Variants in MTHFD1 observed in about 807,000 individuals in gnomAD.
MTHFD1 encodes the protein methylenetetrahydrofolate dehydrogenase, cyclohydrolase and formyltetrahydrofolate synthetase 1, also known as C-1-tetrahydrofolate synthase, cytoplasmic.
In MTHFD1, 44 loss-of-function variants were observed where a neutral mutation model predicts 110.3. The observed-to-expected ratio is 0.40, with a 90% CI of 0.31 to 0.51. The LOEUF (loss-of-function observed/expected upper bound fraction) is 0.51. MTHFD1 is among the 20% of genes least tolerant of loss of function. The pLI, the probability that MTHFD1 is intolerant of heterozygous loss-of-function variation, is 0.60. For synonymous variants in MTHFD1, 402 were observed against 428.8 expected (o/e 0.94, Z 0.77); for missense variants, 909 against 1,173.1 (o/e 0.77, Z 3.29).
chr14:64,441,874 C>T (rs1037959364), intron 19 of MTHFD1, 180 bp from the exon 20 acceptor site: 37 of 668,264 alleles, frequency 5.5e-5, no homozygotes, highest in Non-Finnish European at 9.5e-5. Flanking sequence ...TCATCTCTTT[C>T]TTCTCATTCT....
At position 64,447,770 on chromosome 14, in the gene MTHFD1, G is replaced by A. The variant is rs148083250; in HGVS notation, c.2179-447G>A. 5.7e-4 allele frequency among the ~76,000 whole-genome samples: 87 copies of A among 152,214 alleles called. 1 individual carries two copies. Among genetic ancestry groups the A allele is most frequent in the African/African-American group, 2.0e-3 (83 of 41,534 alleles). The stretch of plus-strand genomic sequence containing the variant: ...CCTCTTCTGTGCCAGCCACTATGTT[G>A]TTAGGCTCTGTCTTCTGATGGAAGG... On this transcript the variant is annotated intron_variant, in intron 22 of 27. Coordinates refer to ENST00000652337, the MANE Select transcript of MTHFD1 (RefSeq NM_005956.4).
At chr14:64,403,580 A>AT (rs966316205) in intron 2 of MTHFD1, among the ~76,000 whole-genome samples, 3 of 118,096 alleles carry the variant, frequency 2.5e-5, no homozygotes, top group African/African-American at 5.8e-5. Context: ...AATTTTTTGT[A>AT]TTTTTTTGTA....
At chr14:64,444,113 TG>T (rs1046753627) in intron 21 of MTHFD1, among the ~76,000 whole-genome samples, 6 of 103,504 alleles carry the variant, frequency 5.8e-5, no homozygotes, top group Admixed American at 2.0e-4. Context: ...GACTGGGGGC[TG>T]GGGGGCGGGG....
intron 12 of MTHFD1, among the ~76,000 whole-genome samples, chr14:64,428,756 A>C (rs147721095): frequency 2.7e-5 from 4 of 147,528 alleles, no homozygotes; most frequent in African/African-American, 1.0e-4. Context: ...GTTTCACTAT[A>C]TTGGCCAGGC....
chr14:64,455,755 A>C (rs2078462633), intron 26 of MTHFD1, among the ~76,000 whole-genome samples: 1 of 152,222 alleles, frequency 6.6e-6, no homozygotes, highest in Admixed American at 6.5e-5. Flanking sequence ...AGGACATTAG[A>C]GCTGAATTCA....
chr14:64,413,189 T>C (rs1237406593), intron 4 of MTHFD1, among the ~76,000 whole-genome samples: 1 of 151,748 alleles, frequency 6.6e-6, no homozygotes, highest in Non-Finnish European at 1.5e-5. Flanking sequence ...CTGTCTCTAC[T>C]AAAAAATACA....
chr14:64,442,520 C>T, intron 21 of MTHFD1, 118 bp downstream of exon 21: 2 of 1,093,370 alleles, frequency 1.8e-6, no homozygotes, highest in Non-Finnish European at 2.7e-6. Context: ...TAACAGGCAG[C>T]AAAAGCAAGG....
chr14:64,409,973 C>CGGAA (rs1392500888), intron 2 of MTHFD1, among the ~76,000 whole-genome samples: 4 of 152,170 alleles, frequency 2.6e-5, no homozygotes, highest in African/African-American at 9.7e-5. Flanking sequence ...ACCACCTTTC[C>CGGAA]CTCTGTGATA....
Position 64,431,819 on chromosome 14 carries a change from T to G in MTHFD1, c.1452T>G (p.Asn484Lys). The G allele has an allele frequency of 1.2e-6, 2 of 1,614,224 alleles. No individual in the cohort carries two copies. Among genetic ancestry groups the G allele is most frequent in the Non-Finnish European group, 1.7e-6 (2 of 1,180,036 alleles). Residue 484 changes from asparagine to lysine, a missense_variant, in exon 15 of 28, where the codon AAT becomes AAG. Asn to Lys is a moderately conservative substitution (Grantham distance 94, BLOSUM62 0). This residue lies in a region of MTHFD1 where 482 missense variants were observed against 646.0 expected (regional missense o/e 0.75). Transcript: ENST00000652337. ...TTAATCGTTTGGTGCCATCAGTAAA[T>G]GGAGTGAGAAGGTTCTCTGACATCC... is the stretch of plus-strand genomic sequence containing the variant. ...ALFNRLVPSV[N>K]GVRRFSDIQI...
At chr14:64,408,296 T>C (rs1256319523) in intron 2 of MTHFD1, among the ~76,000 whole-genome samples, 2 of 150,964 alleles carry the variant, frequency 1.3e-5, no homozygotes, top group Non-Finnish European at 3.0e-5. Context: ...TTTTTTTTTT[T>C]TTTTTTTTTG....
At chr14:64,394,958 T>C (rs1376169926) in intron 1 of MTHFD1, among the ~76,000 whole-genome samples, 2 of 152,218 alleles carry the variant, frequency 1.3e-5, no homozygotes, top group Non-Finnish European at 2.9e-5. Flanking sequence ...GAGCTGTTCA[T>C]TGGAGCCCTA....
chr14:64,421,282 C>T (rs73277965), intron 8 of MTHFD1, among the ~76,000 whole-genome samples: 5,792 of 152,260 alleles, frequency 0.038, 347 homozygotes, highest in African/African-American at 0.13. Context: ...GTCACTGTGG[C>T]GCCACATCCA....
intron 15 of MTHFD1, among the ~76,000 whole-genome samples, chr14:64,434,261 C>G (rs577119960): frequency 1.3e-5 from 2 of 152,104 alleles, no homozygotes; most frequent in South Asian, 4.1e-4. Context: ...CTTACACTTA[C>G]GTGTCTGTGA....
chr14:64,455,119 C>T (rs926815005), intron 26 of MTHFD1: 2 of 494,212 alleles, frequency 4.0e-6, no homozygotes, highest in South Asian at 4.1e-5. Flanking sequence ...ATAAAAAATT[C>T]TGTTTCCCAG....
intron 2 of MTHFD1, among the ~76,000 whole-genome samples, chr14:64,406,044 A>ATT (rs201951999): frequency 6.9e-5 from 10 of 144,916 alleles, no homozygotes; most frequent in South Asian, 2.1e-4. Flanking sequence ...TATTATTATT[A>ATT]TTATTTTTTT....
rs139076132 is a variant in MTHFD1 at position 64,451,786 on chromosome 14, C to T, written c.2458-1968C>T. On this transcript the variant is annotated intron_variant, in intron 24 of 27. Transcript: ENST00000652337. Reference sequence around the variant, plus strand: ...CTGCTAGTCTTAAATCACCCTTCAACCAAAGTGCTTTTGCTTCAGAAGTTC... The same window carrying T: ...CTGCTAGTCTTAAATCACCCTTCAATCAAAGTGCTTTTGCTTCAGAAGTTC... Among the ~76,000 whole-genome samples the T allele has an allele frequency of 2.6e-5, 4 of 152,356 alleles. No individual in the cohort carries two copies. The East Asian group carries it at 7.7e-4, about 29-fold the overall frequency.
chr14:64,418,057 C>T (rs1236058286), intron 7 of MTHFD1, 33 bp downstream of exon 7: 8 of 1,613,586 alleles, frequency 5.0e-6, no homozygotes, highest in East Asian at 2.2e-5. Flanking sequence ...AAAGGTGTTA[C>T]GGTGGGGAGG....
intron 2 of MTHFD1, among the ~76,000 whole-genome samples, chr14:64,410,667 G>C (rs1432595896): frequency 6.6e-6 from 1 of 152,128 alleles, no homozygotes; most frequent in East Asian, 1.9e-4. Flanking sequence ...CCTGCGGGTG[G>C]GGGAGAGGGT....
chr14:64,458,493 T>C (rs2078510411), intron 27 of MTHFD1, 186 bp downstream of exon 27: 1 of 631,644 alleles, frequency 1.6e-6, no homozygotes, highest in African/African-American at 1.8e-5. Flanking sequence ...GAAATATTTA[T>C]ATTTCAACAC....
Sources: allele counts gnomAD v4.1 joint callset (sites outside exome capture counted in the v4.1 genomes callset), GRCh38; gene constraint gnomAD v4.1.1; regional missense constraint gnomAD v4.1.1; transcripts MANE v1.5; gene names NCBI Gene and HGNC (gene_info 2026-07-23, HGNC 2026-07-21).